Variants in TULP4 observed in about 807,000 individuals in gnomAD.
TULP4 encodes tubby-related protein 4.
A neutral mutation model predicts 129.0 loss-of-function variants in TULP4; 16 were observed. That is an observed-to-expected ratio of 0.12 (90% confidence interval 0.08 to 0.19). The LOEUF (loss-of-function observed/expected upper bound fraction) is 0.19. Among genes scored for constraint, TULP4 ranks in the 10% least tolerant of loss-of-function variants. TULP4 has a pLI of 1.00. For synonymous variants in TULP4, 998 were observed against 854.0 expected (o/e 1.17, Z -2.94); for missense variants, 1,842 against 2,059.1 (o/e 0.89, Z 2.04).
chr6:158,279,372 G>A (rs994994828), upstream of TULP4, among the ~76,000 whole-genome samples: 1 of 152,122 alleles, frequency 6.6e-6, no homozygotes, highest in Admixed American at 6.5e-5. Flanking sequence ...AATTGCTTTA[G>A]TACGTCTTTA....
At chr6:158,318,048 C>T (rs924425124) in intron 1 of TULP4, among the ~76,000 whole-genome samples, 2 of 152,148 alleles carry the variant, frequency 1.3e-5, no homozygotes, top group African/African-American at 4.8e-5. Flanking sequence ...TTTGTAGATT[C>T]TGGATATTAG....
At chr6:158,274,776 CAAAAACA>C (rs1049951814) in intron 1 of TULP4, among the ~76,000 whole-genome samples, 7 of 151,922 alleles carry the variant, frequency 4.6e-5, no homozygotes, top group Non-Finnish European at 7.4e-5. Context: ...GACTCCGTCT[CAAAAACA>C]AAAAACAAAA....
intron 1 of TULP4, among the ~76,000 whole-genome samples, chr6:158,411,066 C>T (rs341162): frequency 0.25 from 36,564 of 147,358 alleles, 5,639 homozygotes; most frequent in Middle Eastern, 0.35. Flanking sequence ...TGGCTCCAGC[C>T]GGTTGTCCTG....
chr6:158,309,639 G>A (rs1219765363), upstream of TULP4, among the ~76,000 whole-genome samples: 3 of 152,116 alleles, frequency 2.0e-5, no homozygotes, highest in African/African-American at 4.8e-5. Context: ...CTGCAATCCC[G>A]GCACCTCGGG....
chr6:158,504,815 C>T lies in TULP4; in HGVS notation c.4515+637C>T, dbSNP rs149799097. 2.5e-3 allele frequency among the ~76,000 whole-genome samples: 386 copies of T among 152,248 alleles called. 6 individuals are homozygous for T. Among genetic ancestry groups the T allele is most frequent in the African/African-American group, 9.1e-3 (376 of 41,542 alleles). ...CCTGCAGTCATATTTGTAAAGAATACGTTTCTACTTCTGTTCATTGACTTT... is the reference window on the plus strand; with the variant it reads ...CCTGCAGTCATATTTGTAAAGAATATGTTTCTACTTCTGTTCATTGACTTT... On this transcript the variant is annotated intron_variant, in intron 13 of 13. Coordinates refer to ENST00000367097, the MANE Select transcript of TULP4 (RefSeq NM_020245.5).
rs1219714756 is a variant in TULP4 at position 158,455,242 on chromosome 6, T to C, written c.859+2974T>C. Among the ~76,000 whole-genome samples, 7 of 59,070 alleles carry C rather than the reference T, an allele frequency of 1.2e-4. 2 individuals carry two copies. 38.8% of individuals were successfully genotyped at this position (59,070 alleles called of 152,430 possible). On this transcript the variant is annotated intron_variant, in intron 5 of 13. Coordinates refer to ENST00000367097, the MANE Select transcript of TULP4 (RefSeq NM_020245.5). ...GGCGCCCGCCACCGCGCCCGGCTAA[T>C]TTTTTGTATTTTTAGTAGAGACGGG...
intron 1 of TULP4, among the ~76,000 whole-genome samples, chr6:158,296,183 TCCTTTC>T (rs1196938868): frequency 7.2e-5 from 11 of 152,134 alleles, no homozygotes; most frequent in Non-Finnish European, 1.6e-4. Flanking sequence ...TTCCTTTCTT[TCCTTTC>T]CCTTTCCCTT....
chr6:158,486,397 T>TA (rs1780067009), intron 8 of TULP4, among the ~76,000 whole-genome samples: 1 of 151,916 alleles, frequency 6.6e-6, no homozygotes. Flanking sequence ...ACTAAAAATA[T>TA]AAAAAATTAG....
chr6:158,339,538 G>C (rs1205952422), intron 1 of TULP4, among the ~76,000 whole-genome samples: 1 of 152,234 alleles, frequency 6.6e-6, no homozygotes, highest in East Asian at 1.9e-4. Flanking sequence ...GCATAAGGCA[G>C]ACACTCCTAG....
intron 1 of TULP4, among the ~76,000 whole-genome samples, chr6:158,316,184 T>C (rs965284788): frequency 5.3e-5 from 8 of 152,250 alleles, no homozygotes; most frequent in Admixed American, 4.6e-4. Flanking sequence ...GTGTTTTTCT[T>C]CTCCTGTTCC....
chr6:158,287,457 TAA>T lies in TULP4; in HGVS notation n.116+5080_116+5081del, dbSNP rs1220460319. Among the ~76,000 whole-genome samples the T allele has an allele frequency of 1.4e-4, 22 of 152,368 alleles. 1 individual carries two copies. Among genetic ancestry groups the T allele is most frequent in the Admixed American group, 1.3e-3 (20 of 15,310 alleles). On this transcript the variant is annotated intron_variant and non_coding_transcript_variant, in intron 1 of 1. Coordinates refer to the TULP4 transcript ENST00000432358. ...ACTGAACATGCATTTATTGAATACG[TAA>T]TATATACGTACATTTTGCTTGCTAG... is the stretch of plus-strand genomic sequence containing the variant.
chr6:158,506,222 CTTTTTTTTTTTTTTTT>C (rs61292138), intron 13 of TULP4, among the ~76,000 whole-genome samples: 1 of 55,498 alleles, frequency 1.8e-5, no homozygotes, highest in Non-Finnish European at 3.3e-5. Context: ...TCGCCTTGTT[CTTTTTTTTTTTTTTTT>C]TTTTTTTTTT....
chr6:158,270,439 T>G (rs937054278), intron 1 of TULP4, among the ~76,000 whole-genome samples: 1 of 152,218 alleles, frequency 6.6e-6, no homozygotes, highest in African/African-American at 2.4e-5. Context: ...CCATCTTCTC[T>G]CACTGTGTAG....
intron 1 of TULP4, among the ~76,000 whole-genome samples, chr6:158,245,653 T>C (rs1041095002): frequency 6.6e-6 from 1 of 152,204 alleles, no homozygotes; most frequent in African/African-American, 2.4e-5. Flanking sequence ...TAGTAAAGAA[T>C]AGGAAATAAC....
At chr6:158,276,585 AG>A (rs1176584280) in intron 1 of TULP4, among the ~76,000 whole-genome samples, 3 of 152,094 alleles carry the variant, frequency 2.0e-5, no homozygotes, top group African/African-American at 7.2e-5. Flanking sequence ...CATGACTCTC[AG>A]AACTGTTGTA....
intron 1 of TULP4, among the ~76,000 whole-genome samples, chr6:158,388,252 T>G (rs1777494485): frequency 6.6e-6 from 1 of 152,104 alleles, no homozygotes; most frequent in Admixed American, 6.5e-5. Flanking sequence ...GTAATTTTGT[T>G]TCTATAGAAG....
At chr6:158,445,113 C>T (rs1013433086) in intron 3 of TULP4, among the ~76,000 whole-genome samples, 1 of 152,116 alleles carries the variant, frequency 6.6e-6, no homozygotes, top group Non-Finnish European at 1.5e-5. Context: ...GGTGCCTGGC[C>T]GTGTTGCTAT....
At chr6:158,364,194 G>T (rs6906231) in intron 1 of TULP4, among the ~76,000 whole-genome samples, 8,133 of 152,174 alleles carry the variant, frequency 0.053, 284 homozygotes, top group African/African-American at 0.093. Flanking sequence ...TAATATTTAG[G>T]AACTGTCAAG....
intron 1 of TULP4, among the ~76,000 whole-genome samples, chr6:158,337,086 GT>G: frequency 7.3e-6 from 1 of 137,414 alleles, no homozygotes; most frequent in Admixed American, 7.3e-5. Flanking sequence ...CTTTCTTTCT[GT>G]CTCTCTCTCT....
Sources: gnomAD v4.1 joint callset for allele counts (sites outside exome capture counted in the v4.1 genomes callset) on GRCh38, gnomAD v4.1.1 for gene constraint, MANE v1.5 for transcripts, NCBI Gene and HGNC (gene_info 2026-07-23, HGNC 2026-07-21) for gene names.